The following LIPA variants were observed in gnomAD, a reference collection of about 807,000 sequenced individuals.
LIPA encodes the protein lysosomal acid lipase/cholesteryl ester hydrolase.
Under a neutral mutation model 40.6 loss-of-function variants are expected in LIPA, and 26 were observed. The ratio of observed to expected loss-of-function variants is 0.64; its 90% CI spans 0.47 to 0.89. The LOEUF (loss-of-function observed/expected upper bound fraction) is 0.89, where lower values mean the gene tolerates loss of function less well. Among genes scored for constraint, LIPA ranks in the 40% least tolerant of loss-of-function variants. LIPA has a pLI of 0.00. For missense variants in LIPA, 455 were observed against 479.6 expected, an observed-to-expected ratio of 0.95 and a Z score of 0.48; for synonymous variants, 188 against 168.4, an observed-to-expected ratio of 1.12 and a Z score of -0.90.
intron 1 of LIPA, among the ~76,000 whole-genome samples, chr10:89,268,402 A>T (rs1490586698): frequency 1.3e-5 from 2 of 152,194 alleles, no homozygotes; most frequent in Non-Finnish European, 2.9e-5. Context: ...GTGTTTTTTA[A>T]ATATTTTTCC....
At chr10:89,307,102 G>C (rs766194472) in intron 1 of LIPA, 2 of 1,613,922 alleles carry the variant, frequency 1.2e-6, no homozygotes, top group African/African-American at 1.3e-5. Flanking sequence ...ACTTTCAGCT[G>C]TACCAAATGA....
At chr10:89,388,406 G>A (rs1327682814) in intron 2 of LIPA, among the ~76,000 whole-genome samples, 1 of 151,980 alleles carries the variant, frequency 6.6e-6, no homozygotes, top group Admixed American at 6.6e-5. Flanking sequence ...GCGCCTGGCC[G>A]AAAAAAATTC....
chr10:89,320,342 C>G (rs552006621), intron 1 of LIPA, among the ~76,000 whole-genome samples: 1 of 152,304 alleles, frequency 6.6e-6, no homozygotes, highest in Non-Finnish European at 1.5e-5. Context: ...CCAAAAGCTC[C>G]TTAAGCTGAT....
rs150656870 is a variant in LIPA, at chr10:89,298,514, G to A, written c.-2+44097C>T. 2.6e-5 allele frequency among the ~76,000 whole-genome samples: 4 copies of A among 152,210 alleles called. No homozygotes were observed. In the East Asian group the frequency reaches 7.7e-4, roughly 29 times the overall value. On this transcript the variant is annotated intron_variant, in intron 1 of 5. Transcript: ENST00000282673. ...ACCAATATTGTTGATATATCTTCAG[G>A]AAAAAGTCCTCCCCTACAAAAGCAA...
At chr10:89,228,685 AAT>A (rs1564755685) in intron 3 of LIPA, among the ~76,000 whole-genome samples, 2 of 152,238 alleles carry the variant, frequency 1.3e-5, no homozygotes, top group African/African-American at 4.8e-5. Context: ...GAAATTATAA[AAT>A]GTTTTTACAA....
chr10:89,271,447 T>G (rs1843265254), intron 1 of LIPA, among the ~76,000 whole-genome samples: 2 of 152,208 alleles, frequency 1.3e-5, no homozygotes, highest in Admixed American at 1.3e-4. Context: ...GTACTCCTTA[T>G]GCTAATTAAC....
In LIPA at chr10:89,216,026, T is replaced by C. The variant is rs777535404; in HGVS notation, c.895-17A>G. 10 of 1,577,814 alleles carry C rather than the reference T, an allele frequency of 6.3e-6. No individual in the cohort carries two copies. The highest frequency in any genetic ancestry group is 8.7e-6 in the Non-Finnish European group (10 of 1,147,090). On this transcript the variant is annotated splice_polypyrimidine_tract_variant and intron_variant, in intron 8 of 9. Coordinates refer to ENST00000336233, the MANE Select transcript of LIPA (RefSeq NM_000235.4). ...TTTAACAGCCTAAAAAGAAGATAAT[T>C]TGGAAAAGAGTTATCTGACACCAAA...
chr10:89,359,020 C>G (rs12259887), intron 2 of LIPA, among the ~76,000 whole-genome samples: 2 of 152,176 alleles, frequency 1.3e-5, no homozygotes, highest in East Asian at 3.8e-4. Flanking sequence ...AATATCAGTT[C>G]TTTCAGTGAA....
chr10:89,245,578 AT>A, intron 3 of LIPA, 97 bp downstream of exon 3: 1 of 774,158 alleles, frequency 1.3e-6, no homozygotes, highest in South Asian at 1.3e-5. Flanking sequence ...TCGTCTAAAA[AT>A]AATCCCATTT....
At chr10:89,366,743 C>T (rs1477193352) in intron 2 of LIPA, among the ~76,000 whole-genome samples, 3 of 152,208 alleles carry the variant, frequency 2.0e-5, no homozygotes, top group Non-Finnish European at 4.4e-5. Flanking sequence ...TAAACCAGTT[C>T]AACCACTGTG....
intron 1 of LIPA, among the ~76,000 whole-genome samples, chr10:89,261,392 C>A (rs1843206854): frequency 6.6e-6 from 1 of 152,184 alleles, no homozygotes; most frequent in Admixed American, 6.5e-5. Context: ...GTAATCCCAG[C>A]TACTTGGGAG....
intron 1 of LIPA, among the ~76,000 whole-genome samples, chr10:89,272,741 C>G (rs1371883317): frequency 6.6e-6 from 1 of 152,232 alleles, no homozygotes; most frequent in Middle Eastern, 3.2e-3. Context: ...TTTCTCTCTA[C>G]AACCTCGCCA....
chr10:89,331,041 C>T (rs1296624117), intron 1 of LIPA, among the ~76,000 whole-genome samples: 2 of 152,150 alleles, frequency 1.3e-5, no homozygotes, highest in African/African-American at 4.8e-5. Context: ...GGGCAGCAGT[C>T]CCAGGAGTAG....
chr10:89,253,155 G>A (rs1402012167), upstream of LIPA, among the ~76,000 whole-genome samples: 1 of 152,170 alleles, frequency 6.6e-6, no homozygotes, highest in Non-Finnish European at 1.5e-5. Context: ...CAATAGAAGG[G>A]CAGCATAATC....
chr10:89,263,148 C>G (rs1843219381), intron 1 of LIPA, among the ~76,000 whole-genome samples: 1 of 152,180 alleles, frequency 6.6e-6, no homozygotes, highest in African/African-American at 2.4e-5. Flanking sequence ...CCTAATTGCC[C>G]TTCACCGCCT....
chr10:89,237,182 A>G (rs1327492460), intron 3 of LIPA, among the ~76,000 whole-genome samples: 2 of 152,234 alleles, frequency 1.3e-5, no homozygotes, highest in Non-Finnish European at 2.9e-5. Context: ...TAGAAGGCTG[A>G]GGTGAGAAGA....
At chr10:89,253,423 C>T (rs1843159830), upstream of LIPA, among the ~76,000 whole-genome samples, 1 of 152,176 alleles carries the variant, frequency 6.6e-6, no homozygotes, top group Non-Finnish European at 1.5e-5. Flanking sequence ...ACCATCAGAC[C>T]TTGTGAGACT....
chr10:89,291,713 G>A (rs1360515527), intron 1 of LIPA, among the ~76,000 whole-genome samples: 1 of 152,174 alleles, frequency 6.6e-6, no homozygotes, highest in Admixed American at 6.5e-5. Context: ...CTATGTTTGG[G>A]AAGAAGTGTA....
At chr10:89,397,747 C>T (rs1204969352) in intron 2 of LIPA, among the ~76,000 whole-genome samples, 2 of 152,070 alleles carry the variant, frequency 1.3e-5, no homozygotes, top group Non-Finnish European at 2.9e-5. Context: ...ACATAGATTT[C>T]CAGTGGTCTG....
Sources: gnomAD v4.1 joint callset for allele counts (sites outside exome capture counted in the v4.1 genomes callset) on GRCh38, gnomAD v4.1.1 for gene constraint, MANE v1.5 for transcripts, NCBI Gene and HGNC (gene_info 2026-07-23, HGNC 2026-07-21) for gene names.